Variants in SYNJ2 observed in about 807,000 individuals in gnomAD.
SYNJ2 encodes the protein polyphosphatidylinositol phosphatase SYNJ2.
A neutral mutation model predicts 141.3 loss-of-function variants in SYNJ2; 116 were observed. The ratio of observed to expected loss-of-function variants is 0.82; its 90% CI spans 0.71 to 0.96. The LOEUF is 0.96. SYNJ2 is among the 40% of genes least tolerant of loss of function. SYNJ2 has a pLI of 0.00. For missense variants in SYNJ2, 1,873 were observed against 1,934.8 expected, an observed-to-expected ratio of 0.97 and a Z score of 0.60; for synonymous variants, 745 against 777.7, an observed-to-expected ratio of 0.96 and a Z score of 0.70.
At chr6:158,017,367 G>A in intron 2 of SYNJ2, 77 bp downstream of exon 2, 1 of 1,438,040 alleles carries the variant, frequency 7.0e-7, no homozygotes, top group Non-Finnish European at 9.2e-7. Flanking sequence ...AGGGGCCTCA[G>A]TGCAGGCATT....
At chr6:158,060,363 C>T (rs1436593993) in intron 7 of SYNJ2, among the ~76,000 whole-genome samples, 2 of 152,192 alleles carry the variant, frequency 1.3e-5, no homozygotes, top group Non-Finnish European at 2.9e-5. Context: ...GCTCCCCAGG[C>T]GCAAGACGTT....
chr6:158,042,332 G>A (rs1051453513), intron 4 of SYNJ2, among the ~76,000 whole-genome samples: 18 of 152,208 alleles, frequency 1.2e-4, no homozygotes, highest in Non-Finnish European at 2.2e-4. Context: ...TGTGGCCCAG[G>A]GAAACAGTGG....
intron 13 of SYNJ2, 136 bp from the exon 14 acceptor site, chr6:158,069,397 G>T: frequency 1.9e-5 from 21 of 1,104,500 alleles, no homozygotes; most frequent in Non-Finnish European, 2.4e-5. Context: ...AGGAAAGCAT[G>T]ACACTAATAT....
At chr6:158,007,143 A>G (rs1468875221) in intron 1 of SYNJ2, among the ~76,000 whole-genome samples, 2 of 151,928 alleles carry the variant, frequency 1.3e-5, no homozygotes, top group African/African-American at 4.8e-5. Context: ...ATTTTTTATT[A>G]TATTTTTAGA....
At chr6:158,042,478 G>A (rs1025543718) in intron 4 of SYNJ2, among the ~76,000 whole-genome samples, 21 of 152,246 alleles carry the variant, frequency 1.4e-4, no homozygotes, top group Admixed American at 2.6e-4. Context: ...CGCCCAGGCC[G>A]CCCTGCCAGG....
intron 1 of SYNJ2, among the ~76,000 whole-genome samples, chr6:157,992,384 C>T (rs1777473562): frequency 7.1e-6 from 1 of 140,580 alleles, no homozygotes; most frequent in Non-Finnish European, 1.6e-5. Context: ...GTTTGTCTTT[C>T]TGTGCCTGGC....
intron 16 of SYNJ2, among the ~76,000 whole-genome samples, 160 bp from the exon 17 acceptor site, chr6:158,076,466 T>C (rs1782295164): frequency 6.6e-6 from 1 of 152,230 alleles, no homozygotes; most frequent in Admixed American, 6.5e-5. Context: ...TTTTTGCTAA[T>C]TAAAAGACAC....
intron 2 of SYNJ2, among the ~76,000 whole-genome samples, chr6:158,020,665 C>T (rs969249255): frequency 2.6e-5 from 4 of 152,126 alleles, no homozygotes; most frequent in Admixed American, 6.5e-5. Context: ...ACTCCAGCTG[C>T]GTGACTTCAG....
At chr6:157,990,435 C>T (rs948185222) in intron 1 of SYNJ2, among the ~76,000 whole-genome samples, 4 of 152,016 alleles carry the variant, frequency 2.6e-5, no homozygotes, top group Non-Finnish European at 4.4e-5. Flanking sequence ...GCCTCACCCC[C>T]GCACGCCTGC....
chr6:158,065,615 A>AG (rs1485012676), intron 11 of SYNJ2, among the ~76,000 whole-genome samples: 5 of 152,204 alleles, frequency 3.3e-5, no homozygotes, highest in African/African-American at 7.2e-5. Flanking sequence ...AGAATGTACA[A>AG]GTGTCGCTTT....
rs1406126559 is a variant in SYNJ2, at chr6:157,982,958, A to G, written c.127+870A>G. On this transcript the variant is annotated intron_variant, in intron 1 of 26. Transcript: ENST00000355585. The surrounding 1 kb of genome is among the most constrained non-coding windows in gnomAD (Gnocchi z 4.0). ...ATAAGGAAAACCTGGGTAGCACCAA[A>G]GCACGTGAAACCAGGTCTGATTGTT... Among the ~76,000 whole-genome samples, 3 of 152,174 alleles carry G rather than the reference A, an allele frequency of 2.0e-5. No individual in the cohort carries two copies. The highest frequency in any genetic ancestry group is 6.5e-5 in the Admixed American group (1 of 15,282).
Position 157,982,207 on chromosome 6 carries a change from C to T in SYNJ2, c.127+119C>T, listed in dbSNP as rs896372330. On this transcript the variant is annotated intron_variant, in intron 1 of 26. Coordinates refer to ENST00000355585, the MANE Select transcript of SYNJ2 (RefSeq NM_003898.4). This position sits in a 1 kb window ranked among gnomAD's most constrained non-coding sequence, Gnocchi z 4.0. ...TCGGGCGGCGCTGGGACTGCCGGGG[C>T]GTAGGGGTCGCGCGCAGAGGGGTGG... The T allele has an allele frequency of 1.7e-5, 21 of 1,200,260 alleles. No homozygotes were observed. The highest frequency in any genetic ancestry group is 2.1e-5 in the Non-Finnish European group (20 of 955,378). 74.4% of individuals were successfully genotyped at this position (1,200,260 alleles called of 1,614,324 possible). A position where few individuals can be genotyped will look rare whatever the true frequency, so the allele number is the denominator to read the frequency against.
chr6:158,068,803 G>T, intron 13 of SYNJ2, 75 bp downstream of exon 13: 9 of 1,539,244 alleles, frequency 5.8e-6, no homozygotes, highest in Non-Finnish European at 8.1e-6. Context: ...AGCCTCTGAG[G>T]CTCTCCGGGA....
chr6:157,990,336 C>T (rs1029270867), intron 1 of SYNJ2, among the ~76,000 whole-genome samples: 1 of 143,400 alleles, frequency 7.0e-6, no homozygotes, highest in Non-Finnish European at 1.5e-5. Context: ...ATGCCTTCTT[C>T]TCCTTCTCCT....
At chr6:158,003,797 CTGA>C (rs1777948506) in intron 1 of SYNJ2, among the ~76,000 whole-genome samples, 3 of 152,128 alleles carry the variant, frequency 2.0e-5, no homozygotes, top group African/African-American at 7.2e-5. Context: ...TCGGGATGGT[CTGA>C]CCCACGGAGC....
Position 158,072,933 on chromosome 6 carries a change from C to A in SYNJ2, c.2133+1139C>A, listed in dbSNP as rs530593829. ...GAAAATACAAAAAAAATTAGCCAGG[C>A]GTGGTGGCGTGCACCTGTAATCCCA... On this transcript the variant is annotated intron_variant, in intron 15 of 26. Coordinates refer to ENST00000355585, the MANE Select transcript of SYNJ2 (RefSeq NM_003898.4). Among the ~76,000 whole-genome samples the A allele has an allele frequency of 4.5e-4, 69 of 151,702 alleles. 3 individuals are homozygous for A. The South Asian group carries it at 0.014, about 30-fold the overall frequency.
chr6:158,092,857 T>C (rs1390377182), intron 25 of SYNJ2, 69 bp from the exon 26 acceptor site: 41 of 1,421,238 alleles, frequency 2.9e-5, no homozygotes, highest in Non-Finnish European at 3.4e-5. Flanking sequence ...ATGTAGACTG[T>C]CTAAGGACGA....
At chr6:158,052,064 C>T (rs988611753) in intron 5 of SYNJ2, among the ~76,000 whole-genome samples, 1 of 152,176 alleles carries the variant, frequency 6.6e-6, no homozygotes, top group Non-Finnish European at 1.5e-5. Flanking sequence ...GGGTGCTTTT[C>T]TTGAGTCTGA....
chr6:158,028,689 C>T, intron 2 of SYNJ2, 67 bp from the exon 3 acceptor site: 1 of 1,569,766 alleles, frequency 6.4e-7, no homozygotes, highest in Non-Finnish European at 8.6e-7. Flanking sequence ...CTCCATTTGT[C>T]CCCTTGGAGC....
Sources: allele counts gnomAD v4.1 joint callset (sites outside exome capture counted in the v4.1 genomes callset), GRCh38; gene constraint gnomAD v4.1.1; non-coding constraint Gnocchi (gnomAD v3.1); transcripts MANE v1.5; gene names NCBI Gene and HGNC (gene_info 2026-07-23, HGNC 2026-07-21).